The following TGFBR3 variants were observed in gnomAD, a reference collection of about 807,000 sequenced individuals.
TGFBR3 encodes transforming growth factor beta receptor 3.
A neutral mutation model predicts 87.9 loss-of-function variants in TGFBR3; 46 were observed. The ratio of observed to expected loss-of-function variants is 0.52; its 90% CI spans 0.41 to 0.67. TGFBR3 has a LOEUF of 0.67. Ranked by LOEUF, TGFBR3 falls within the 30% of genes least tolerant of loss-of-function variation. TGFBR3 has a pLI of 0.00. For synonymous variants in TGFBR3, 381 were observed against 391.6 expected (o/e 0.97, Z 0.32); for missense variants, 866 against 1,041.9 (o/e 0.83, Z 2.32).
rs1557651096 is a variant in TGFBR3 at position 91,680,350 on chromosome 1, CT to C, written c.*3388del. 1 of 427,778 alleles carries C rather than the reference CT, an allele frequency of 2.3e-6. No individual in the cohort carries two copies. 26.5% of individuals were successfully genotyped at this position (427,778 alleles called of 1,614,324 possible). A position where few individuals can be genotyped will look rare whatever the true frequency, so the allele number is the denominator to read the frequency against. On this transcript the variant is annotated 3_prime_UTR_variant, in exon 17 of 17. Transcript: ENST00000212355. ...ATGATAACAAGACACATATTAATAA[CT>C]GATATATATCTTTTTATTATGCACA... is the stretch of plus-strand genomic sequence containing the variant.
intron 4 of TGFBR3, among the ~76,000 whole-genome samples, chr1:91,749,747 C>T (rs1014948529): frequency 2.6e-5 from 4 of 152,198 alleles, no homozygotes; most frequent in African/African-American, 9.7e-5. Flanking sequence ...ACAGCCACAG[C>T]CTTCAAGTCA....
At chr1:91,884,627 T>C (rs899612150) in intron 1 of TGFBR3, among the ~76,000 whole-genome samples, 22 of 152,382 alleles carry the variant, frequency 1.4e-4, no homozygotes, top group Admixed American at 3.9e-4. Context: ...AAGTTATGTA[T>C]GATCTTGGAC....
intron 2 of TGFBR3, among the ~76,000 whole-genome samples, chr1:91,815,083 C>T (rs535213502): frequency 1.3e-5 from 2 of 152,306 alleles, no homozygotes; most frequent in African/African-American, 4.8e-5. Flanking sequence ...AGGTGGATCA[C>T]TTGAGGCCAG....
At position 91,680,504 on chromosome 1, in the gene TGFBR3, ACTCGTTTTACC is replaced by A. The variant is rs1464225128; in HGVS notation, c.*3224_*3234del. On this transcript the variant is annotated 3_prime_UTR_variant, in exon 17 of 17. Transcript: ENST00000212355. Reference sequence around the variant, plus strand: ...AACTGGCCACAGGGATTTTAAGGGTACTCGTTTTACCCTCATAGATGATGAAAACCAGCAAC... The same window carrying A: ...AACTGGCCACAGGGATTTTAAGGGTACTCATAGATGATGAAAACCAGCAAC... 26 of 454,086 alleles carry A rather than the reference ACTCGTTTTACC, an allele frequency of 5.7e-5. No individual in the cohort carries two copies. Among genetic ancestry groups the A allele is most frequent in the African/African-American group, 5.0e-4 (25 of 50,122 alleles). The allele number at this position is 454,086 out of a possible 1,614,324, so 28.1% of individuals were successfully genotyped here.
At chr1:91,853,231 T>A (rs954695533) in intron 2 of TGFBR3, among the ~76,000 whole-genome samples, 1 of 117,594 alleles carries the variant, frequency 8.5e-6, no homozygotes, top group Non-Finnish European at 1.7e-5. Flanking sequence ...CCAAATCAAC[T>A]AGCTGTGTTC....
intron 3 of TGFBR3, among the ~76,000 whole-genome samples, chr1:91,794,623 T>C (rs1675308741): frequency 6.6e-6 from 1 of 152,238 alleles, no homozygotes; most frequent in African/African-American, 2.4e-5. Flanking sequence ...CCTGAACATT[T>C]CACATACATG....
intron 2 of TGFBR3, among the ~76,000 whole-genome samples, chr1:91,852,518 T>C (rs575719269): frequency 2.6e-5 from 4 of 152,290 alleles, no homozygotes; most frequent in African/African-American, 7.2e-5. Context: ...GTGCACAATA[T>C]CCTCAAAGGG....
intron 2 of TGFBR3, among the ~76,000 whole-genome samples, chr1:91,857,709 T>C (rs889338000): frequency 6.6e-6 from 1 of 151,924 alleles, no homozygotes; most frequent in South Asian, 2.1e-4. Flanking sequence ...GAGGCTGAGG[T>C]GGGAGGATCA....
At chr1:91,756,600 T>G (rs1032670045) in intron 4 of TGFBR3, among the ~76,000 whole-genome samples, 1 of 152,258 alleles carries the variant, frequency 6.6e-6, no homozygotes, top group East Asian at 1.9e-4. Context: ...ATAAATGTGC[T>G]AGTAATAACA....
At position 91,727,748 on chromosome 1, in the gene TGFBR3, C is replaced by T. The variant is rs747745660; in HGVS notation, c.796G>A (p.Val266Ile). 6.2e-7 allele frequency: 1 copy of T among 1,614,058 alleles called. No homozygotes were observed. ...TTCAAGATCAGGATGAGATTTTTGA[C>T]CACTTCAAGATCCTCTTGAGAAGGT... is the stretch of plus-strand genomic sequence containing the variant. ...IRPSQEDLEV[V>I]KNLILILKCK... is the part of the protein sequence containing the mutation. Residue 266 changes from valine to isoleucine, a missense_variant, in exon 7 of 17, where the codon GTC becomes ATC. Physicochemically the swap from Val to Ile is conservative, Grantham distance 29. Coordinates refer to ENST00000212355, the MANE Select transcript of TGFBR3 (RefSeq NM_003243.5).
At chr1:91,791,974 ACTTC>A (rs1675212706) in intron 3 of TGFBR3, among the ~76,000 whole-genome samples, 1 of 152,176 alleles carries the variant, frequency 6.6e-6, no homozygotes, top group South Asian at 2.1e-4. Context: ...GACAGTGTTT[ACTTC>A]CTTCTCTTTC....
intron 4 of TGFBR3, among the ~76,000 whole-genome samples, chr1:91,738,346 T>C (rs1673034978): frequency 6.6e-6 from 1 of 152,218 alleles, no homozygotes; most frequent in Non-Finnish European, 1.5e-5. Context: ...AAATCTCATG[T>C]TGAATGGTAA....
chr1:91,854,720 C>T (rs892686821), intron 2 of TGFBR3, among the ~76,000 whole-genome samples: 17 of 152,000 alleles, frequency 1.1e-4, no homozygotes, highest in Non-Finnish European at 5.9e-5. Context: ...TAAATATATA[C>T]AATTTTTATT....
chr1:91,832,534 C>G (rs1273192824), intron 2 of TGFBR3, among the ~76,000 whole-genome samples: 6 of 152,176 alleles, frequency 3.9e-5, no homozygotes, highest in African/African-American at 1.4e-4. Context: ...ATTGGCCGCA[C>G]TTTACAGATG....
At chr1:91,727,292 C>T (rs1672584546) in intron 7 of TGFBR3, among the ~76,000 whole-genome samples, 1 of 152,200 alleles carries the variant, frequency 6.6e-6, no homozygotes, top group Non-Finnish European at 1.5e-5. Flanking sequence ...ACACTGAGGT[C>T]CTTGTGGGAT....
At chr1:91,820,297 C>G (rs1676393468) in intron 2 of TGFBR3, among the ~76,000 whole-genome samples, 1 of 152,176 alleles carries the variant, frequency 6.6e-6, no homozygotes, top group African/African-American at 2.4e-5. Context: ...AATACACCTA[C>G]TGTACTACAC....
chr1:91,699,672 T>G (rs1671557937), intron 14 of TGFBR3, among the ~76,000 whole-genome samples: 1 of 152,176 alleles, frequency 6.6e-6, no homozygotes, highest in South Asian at 2.1e-4. Context: ...AAATTTTGTA[T>G]CACTGTTTTG....
chr1:91,706,493 C>G (rs138076525), intron 14 of TGFBR3, among the ~76,000 whole-genome samples: 2,406 of 150,178 alleles, frequency 0.016, 60 homozygotes, highest in African/African-American at 0.057. Flanking sequence ...ATAGCAAAGC[C>G]TAGAGGTTAC....
intron 5 of TGFBR3, among the ~76,000 whole-genome samples, chr1:91,730,186 G>A (rs758673369): frequency 2.6e-5 from 4 of 152,022 alleles, no homozygotes; most frequent in Non-Finnish European, 5.9e-5. Context: ...CCCCAACTAG[G>A]GGCCTCTTTT....
Sources: gnomAD v4.1 joint callset for allele counts (sites outside exome capture counted in the v4.1 genomes callset) on GRCh38, gnomAD v4.1.1 for gene constraint, MANE v1.5 for transcripts, NCBI Gene and HGNC (gene_info 2026-07-23, HGNC 2026-07-21) for gene names.